The following FAM117B variants were observed in gnomAD, a reference collection of about 807,000 sequenced individuals.
The protein encoded by FAM117B is protein FAM117B.
Under a neutral mutation model 52.8 loss-of-function variants are expected in FAM117B, and 22 were observed. The ratio of observed to expected loss-of-function variants is 0.42; its 90% CI spans 0.30 to 0.59. The LOEUF is 0.59. FAM117B is among the 20% of genes least tolerant of loss of function. FAM117B has a pLI of 0.22. For synonymous variants in FAM117B, 309 were observed against 324.1 expected, an observed-to-expected ratio of 0.95 and a Z score of 0.50; for missense variants, 678 against 802.6, an observed-to-expected ratio of 0.84 and a Z score of 1.88.
At chr2:202,641,774 GA>G (rs1689773085) in intron 1 of FAM117B, among the ~76,000 whole-genome samples, 1 of 149,406 alleles carries the variant, frequency 6.7e-6, no homozygotes, top group Non-Finnish European at 1.5e-5. Flanking sequence ...GAGTAGCTGG[GA>G]TTACAGGCGC....
At chr2:202,682,176 A>G (rs1690472166) in intron 1 of FAM117B, among the ~76,000 whole-genome samples, 1 of 152,132 alleles carries the variant, frequency 6.6e-6, no homozygotes, top group Non-Finnish European at 1.5e-5. Flanking sequence ...CGCATTTATC[A>G]TTTCCTGTTT....
intron 1 of FAM117B, among the ~76,000 whole-genome samples, chr2:202,667,499 C>A (rs751246462): frequency 4.6e-5 from 7 of 151,956 alleles, no homozygotes; most frequent in Admixed American, 3.9e-4. Context: ...TGCGTGCGCG[C>A]GCATGTGCTG....
At chr2:202,650,654 G>T (rs1387920162) in intron 1 of FAM117B, among the ~76,000 whole-genome samples, 4 of 152,216 alleles carry the variant, frequency 2.6e-5, no homozygotes, top group Non-Finnish European at 5.9e-5. Flanking sequence ...AGCCGACAGT[G>T]CAGCCTTCAG....
intron 2 of FAM117B, among the ~76,000 whole-genome samples, chr2:202,699,449 G>GAAAAAAAAAAAAAAAAAAAAAAAAAAAA (rs59522030): frequency 3.0e-5 from 3 of 100,032 alleles, no homozygotes; most frequent in Non-Finnish European, 5.7e-5. Flanking sequence ...AAAAAAAAAA[G>GAAAAAAAAAAAAAAAAAAAAAAAAAAAA]AAAAAAAAAA....
chr2:202,663,300 A>G (rs1207870854), intron 1 of FAM117B, among the ~76,000 whole-genome samples: 1 of 152,214 alleles, frequency 6.6e-6, no homozygotes, highest in Admixed American at 6.5e-5. Context: ...TTGAATTCTG[A>G]CTGTGCACTT....
chr2:202,715,927 C>T lies in FAM117B; in HGVS notation c.754-8990C>T, dbSNP rs550388881. Among the ~76,000 whole-genome samples, 178 of 152,312 alleles carry T rather than the reference C, an allele frequency of 1.2e-3. 3 individuals carry two copies. The Middle Eastern group carries it at 0.037, about 32-fold the overall frequency. On this transcript the variant is annotated intron_variant, in intron 2 of 7. Coordinates refer to ENST00000392238, the MANE Select transcript of FAM117B (RefSeq NM_173511.4). ...AAACCCCGTCTCCACCAAAAAAATACGAAAACCAGTCAGGCGTGGTGGCGC... is the reference window on the plus strand; with the variant it reads ...AAACCCCGTCTCCACCAAAAAAATATGAAAACCAGTCAGGCGTGGTGGCGC...
At chr2:202,688,100 C>A (rs1690571633) in intron 1 of FAM117B, among the ~76,000 whole-genome samples, 1 of 151,950 alleles carries the variant, frequency 6.6e-6, no homozygotes, top group Non-Finnish European at 1.5e-5. Flanking sequence ...CTTTAATATT[C>A]TATGTATTTT....
chr2:202,721,828 C>T (rs1223642134), intron 2 of FAM117B, among the ~76,000 whole-genome samples: 1 of 151,828 alleles, frequency 6.6e-6, no homozygotes, highest in African/African-American at 2.4e-5. Flanking sequence ...GAGATGAGGT[C>T]TCCCTGTGTT....
chr2:202,682,616 C>G (rs747893728), intron 1 of FAM117B, among the ~76,000 whole-genome samples: 167 of 152,312 alleles, frequency 1.1e-3, no homozygotes, highest in Non-Finnish European at 2.0e-3. Context: ...TTCTTTTCAA[C>G]TGCACCTGGA....
rs71030981 is a variant in FAM117B at position 202,659,604 on chromosome 2, C to CTTTTTTT, written c.601+23840_601+23846dup. On this transcript the variant is annotated intron_variant, in intron 1 of 7. Transcript: ENST00000392238. ...GAGATTACAGACGTGAGCCACCGTG[C>CTTTTTTT]TTTTTTTTTTTTTTTTTTTTTTTTT... is the stretch of plus-strand genomic sequence containing the variant. Among the ~76,000 whole-genome samples, 35 of 62,312 alleles carry CTTTTTTT rather than the reference C, an allele frequency of 5.6e-4. 7 individuals carry two copies. The highest frequency in any genetic ancestry group is 1.1e-3 in the African/African-American group (18 of 16,624). 40.9% of individuals were successfully genotyped at this position (62,312 alleles called of 152,430 possible).
intron 2 of FAM117B, among the ~76,000 whole-genome samples, chr2:202,710,087 A>G (rs2105781823): frequency 6.6e-6 from 1 of 152,282 alleles, no homozygotes; most frequent in South Asian, 2.1e-4. Context: ...GTTCTTTCTC[A>G]AAATTTATTT....
intron 4 of FAM117B, among the ~76,000 whole-genome samples, chr2:202,727,130 T>G (rs532568530): frequency 1.1e-4 from 17 of 152,284 alleles, no homozygotes; most frequent in Middle Eastern, 3.4e-3. Flanking sequence ...TTTCAGGTCT[T>G]TTCAGGATCT....
At chr2:202,709,248 G>A (rs1690923351) in intron 2 of FAM117B, among the ~76,000 whole-genome samples, 1 of 151,074 alleles carries the variant, frequency 6.6e-6, no homozygotes, top group Non-Finnish European at 1.5e-5. Flanking sequence ...TGTTGCCCAG[G>A]CTGGAGTACA....
chr2:202,698,759 C>G (rs1690752809), intron 2 of FAM117B, among the ~76,000 whole-genome samples: 2 of 152,164 alleles, frequency 1.3e-5, no homozygotes, highest in South Asian at 4.1e-4. Context: ...TTCTGTGAAA[C>G]TCTGTAGTTA....
chr2:202,752,554 A>G (rs1362278028), intron 4 of FAM117B, among the ~76,000 whole-genome samples: 1 of 152,130 alleles, frequency 6.6e-6, no homozygotes, highest in Non-Finnish European at 1.5e-5. Flanking sequence ...ATTTCTAATC[A>G]GTGTTACCTT....
In FAM117B at chr2:202,769,326, G is replaced by A. The variant is rs1353518978; in HGVS notation, c.*3562G>A. 1 of 152,576 alleles carries A rather than the reference G, an allele frequency of 6.6e-6. No individual in the cohort carries two copies. Among genetic ancestry groups the A allele is most frequent in the Admixed American group, 6.5e-5 (1 of 15,276 alleles). 9.5% of individuals were successfully genotyped at this position (152,576 alleles called of 1,614,324 possible). On this transcript the variant is annotated 3_prime_UTR_variant, in exon 8 of 8. Coordinates refer to ENST00000392238, the MANE Select transcript of FAM117B (RefSeq NM_173511.4). ...AAATAAAAGAAAATTTGCCACTACT[G>A]CATTTACTTTACTATTGTAAACTTA...
intron 1 of FAM117B, among the ~76,000 whole-genome samples, chr2:202,648,345 A>T (rs558565889): frequency 4.6e-5 from 7 of 152,084 alleles, no homozygotes; most frequent in Non-Finnish European, 1.0e-4. Context: ...CCCCGTCTCT[A>T]CTAAAATACA....
intron 2 of FAM117B, among the ~76,000 whole-genome samples, chr2:202,710,080 C>G (rs1006890830): frequency 3.9e-5 from 6 of 152,112 alleles, no homozygotes; most frequent in African/African-American, 1.4e-4. Flanking sequence ...TAGCTTTGTT[C>G]TTTCTCAAAA....
chr2:202,653,287 AC>A (rs1191487316), intron 1 of FAM117B, among the ~76,000 whole-genome samples: 2 of 152,184 alleles, frequency 1.3e-5, no homozygotes, highest in African/African-American at 4.8e-5. Context: ...AACAATAGCA[AC>A]TAAAGAAACC....
Sources: allele counts gnomAD v4.1 joint callset (sites outside exome capture counted in the v4.1 genomes callset), GRCh38; gene constraint gnomAD v4.1.1; transcripts MANE v1.5; gene names NCBI Gene and HGNC (gene_info 2026-07-23, HGNC 2026-07-21).